Variants in PLGRKT observed in about 807,000 individuals in gnomAD.
PLGRKT encodes the protein plasminogen receptor with a C-terminal lysine, also known as plasminogen receptor (KT).
Under a neutral mutation model 18.5 loss-of-function variants are expected in PLGRKT, and 22 were observed. That is an observed-to-expected ratio of 1.19 (90% CI 0.85 to 1.70). The LOEUF (loss-of-function observed/expected upper bound fraction) is 1.70, where lower values mean the gene tolerates loss of function less well. Ranked by LOEUF, PLGRKT falls within the 40% of genes most tolerant of loss-of-function variation. The probability of loss-of-function intolerance (pLI) is 0.00; values close to 1 mark genes in which losing one functional copy is unlikely to be tolerated. For missense variants in PLGRKT, 235 were observed against 174.4 expected, an observed-to-expected ratio of 1.35 and a Z score of -1.96; for synonymous variants, 72 against 52.8, an observed-to-expected ratio of 1.36 and a Z score of -1.58.
intron 3 of PLGRKT, among the ~76,000 whole-genome samples, chr9:5,363,456 T>A (rs1233582321): frequency 6.6e-6 from 1 of 152,006 alleles, no homozygotes; most frequent in African/African-American, 2.4e-5. Context: ...GCTCTCAATC[T>A]TCAGCTACCT....
chr9:5,358,288 C>A lies in PLGRKT; in HGVS notation c.395G>T (p.Ser132Ile), dbSNP rs372147251. ...QLPRGMITFESIEKARKEQSR... is the reference protein window; with the variant it reads ...QLPRGMITFEIIEKARKEQSR... ...CTGTTCCTTTCTGGCTTTTTCAATG[C>A]TTTCAAAAGTGATCATTCCTCTTGG... is the stretch of plus-strand genomic sequence containing the variant. The change falls in exon 6 of 6, where the codon AGC becomes ATC. Residue 132 changes from serine (S) to isoleucine (I), a missense_variant. Ser to Ile is a moderately radical substitution (Grantham distance 142, BLOSUM62 -2). Transcript: ENST00000223864. 90 of 1,608,862 alleles carry A rather than the reference C, an allele frequency of 5.6e-5. No homozygotes were observed. The African/African-American group carries it at 1.1e-3, about 20-fold the overall frequency.
intron 3 of PLGRKT, among the ~76,000 whole-genome samples, chr9:5,404,964 A>G (rs1382926818): frequency 6.6e-6 from 1 of 152,162 alleles, no homozygotes; most frequent in African/African-American, 2.4e-5. Context: ...AGAAATCACA[A>G]GCATTCCTAT....
chr9:5,410,951 A>G (rs531466804), intron 3 of PLGRKT, among the ~76,000 whole-genome samples: 1 of 152,366 alleles, frequency 6.6e-6, no homozygotes, highest in South Asian at 2.1e-4. Flanking sequence ...TAATTGTTAT[A>G]TGGCTAAACA....
intron 3 of PLGRKT, among the ~76,000 whole-genome samples, chr9:5,421,664 T>G (rs1457790666): frequency 6.6e-6 from 1 of 152,252 alleles, no homozygotes; most frequent in Non-Finnish European, 1.5e-5. Context: ...AGATGCTGTG[T>G]GCTAAATTCT....
In PLGRKT at chr9:5,418,778, G is replaced by A; in HGVS notation, c.81+13119C>T. 2.6e-6 allele frequency: 2 copies of A among 773,610 alleles called. No individual in the cohort carries two copies. The highest frequency in any genetic ancestry group is 1.5e-5 in the South Asian group (1 of 65,054). 47.9% of individuals were successfully genotyped at this position (773,610 alleles called of 1,614,324 possible). A position where few individuals can be genotyped will look rare whatever the true frequency, so the allele number is the denominator to read the frequency against. On this transcript the variant is annotated intron_variant, in intron 3 of 5. Transcript: ENST00000223864. The surrounding 1 kb of genome is among the most constrained non-coding windows in gnomAD (Gnocchi z 4.2). ...AGGACCTCGGGGTCGTCGAGGAGCT[G>A]CGACACGGAGAAGTCAGGGGGCAGC...
chr9:5,366,725 A>G (rs925622799), intron 3 of PLGRKT, among the ~76,000 whole-genome samples: 3 of 152,148 alleles, frequency 2.0e-5, no homozygotes, highest in African/African-American at 4.8e-5. Flanking sequence ...CTGCTATTCA[A>G]TGTAGTACTG....
rs549930555 is a variant in PLGRKT at position 5,398,004 on chromosome 9, G to T, written c.81+33893C>A. On this transcript the variant is annotated intron_variant, in intron 3 of 5. Coordinates refer to ENST00000223864, the MANE Select transcript of PLGRKT (RefSeq NM_018465.4). ...TGTGCAAATAGGAACTCTGTAGCTT[G>T]GTGCCCACATCCGAATGGATGCATA... Among the ~76,000 whole-genome samples, 4 of 152,098 alleles carry T rather than the reference G, an allele frequency of 2.6e-5. No homozygotes were observed. The East Asian group carries it at 7.7e-4, about 29-fold the overall frequency.
intron 3 of PLGRKT, among the ~76,000 whole-genome samples, chr9:5,365,469 C>T (rs998971503): frequency 1.3e-5 from 2 of 152,106 alleles, no homozygotes; most frequent in Non-Finnish European, 2.9e-5. Context: ...CCTCCTCCCT[C>T]TTCAAAGAAG....
intron 3 of PLGRKT, among the ~76,000 whole-genome samples, chr9:5,401,956 ATTT>A (rs529922116): frequency 6.7e-6 from 1 of 150,082 alleles, no homozygotes; most frequent in Non-Finnish European, 1.5e-5. Flanking sequence ...TTTAGTGTGG[ATTT>A]TTTTTTTCTA....
chr9:5,432,574 T>A (rs980855177), intron 2 of PLGRKT, among the ~76,000 whole-genome samples: 13 of 148,336 alleles, frequency 8.8e-5, no homozygotes, highest in African/African-American at 3.2e-4. Context: ...CTCGGCTCGC[T>A]GCAACCTCCC....
chr9:5,433,743 G>A (rs867699152), intron 2 of PLGRKT, among the ~76,000 whole-genome samples: 1 of 143,998 alleles, frequency 6.9e-6, no homozygotes, highest in Admixed American at 6.8e-5. Flanking sequence ...GGGATGTGAG[G>A]AGCGCCTTTG....
chr9:5,418,780 G>T lies in PLGRKT; in HGVS notation c.81+13117C>A. ...GACCTCGGGGTCGTCGAGGAGCTGC[G>T]ACACGGAGAAGTCAGGGGGCAGCTT... On this transcript the variant is annotated intron_variant, in intron 3 of 5. Transcript: ENST00000223864. The surrounding 1 kb of genome is among the most constrained non-coding windows in gnomAD (Gnocchi z 4.2). 1.3e-6 allele frequency: 1 copy of T among 782,562 alleles called. No homozygotes were observed. The highest frequency in any genetic ancestry group is 2.2e-6 in the Non-Finnish European group (1 of 455,014). 48.5% of individuals were successfully genotyped at this position (782,562 alleles called of 1,614,324 possible). A position where few individuals can be genotyped will look rare whatever the true frequency, so the allele number is the denominator to read the frequency against.
chr9:5,384,623 G>A (rs1817807444), intron 3 of PLGRKT, among the ~76,000 whole-genome samples: 1 of 152,094 alleles, frequency 6.6e-6, no homozygotes, highest in Admixed American at 6.5e-5. Flanking sequence ...TGGAAGAGAA[G>A]TCAAACTACA....
chr9:5,370,354 T>C (rs1026544795), intron 3 of PLGRKT, among the ~76,000 whole-genome samples: 1 of 152,192 alleles, frequency 6.6e-6, no homozygotes, highest in Admixed American at 6.5e-5. Context: ...AATAAAATAG[T>C]AAAGTTATTA....
intron 3 of PLGRKT, among the ~76,000 whole-genome samples, chr9:5,431,631 G>T (rs1818826816): frequency 1.3e-5 from 2 of 152,012 alleles, no homozygotes; most frequent in Admixed American, 6.6e-5. Context: ...TATCTTTGGG[G>T]GTGGGGGGCA....
intron 3 of PLGRKT, among the ~76,000 whole-genome samples, chr9:5,429,004 A>T (rs1325285166): frequency 6.6e-6 from 1 of 152,176 alleles, no homozygotes; most frequent in Non-Finnish European, 1.5e-5. Context: ...GCTTGATCAC[A>T]TGTATATTGT....
intron 3 of PLGRKT, among the ~76,000 whole-genome samples, chr9:5,364,273 A>G (rs1817333998): frequency 6.6e-6 from 1 of 152,192 alleles, no homozygotes; most frequent in African/African-American, 2.4e-5. Flanking sequence ...GAGAACCGTC[A>G]CCTGAAATGA....
intron 3 of PLGRKT, among the ~76,000 whole-genome samples, chr9:5,385,627 A>C (rs1046561416): frequency 6.6e-6 from 1 of 151,766 alleles, no homozygotes; most frequent in Non-Finnish European, 1.5e-5. Context: ...GTTTTGGAGA[A>C]AGTAAGGAAG....
At chr9:5,402,135 G>T (rs565707342) in intron 3 of PLGRKT, among the ~76,000 whole-genome samples, 1 of 151,996 alleles carries the variant, frequency 6.6e-6, no homozygotes, top group East Asian at 1.9e-4. Context: ...CCTGAATAAT[G>T]CAGGTTTCTG....
Sources: allele counts gnomAD v4.1 joint callset (sites outside exome capture counted in the v4.1 genomes callset), GRCh38; gene constraint gnomAD v4.1.1; non-coding constraint Gnocchi (gnomAD v3.1); transcripts MANE v1.5; gene names NCBI Gene and HGNC (gene_info 2026-07-23, HGNC 2026-07-21).